The following PTPRC variants were observed in gnomAD, a reference collection of about 807,000 sequenced individuals.
PTPRC encodes receptor-type tyrosine-protein phosphatase C.
PTPRC carries 44 observed loss-of-function variants against 155.9 expected under a neutral mutation model. That is an observed-to-expected ratio of 0.28 (90% confidence interval 0.22 to 0.36). The LOEUF is 0.36. PTPRC is among the 10% of genes least tolerant of loss of function. The pLI, the probability that PTPRC is intolerant of heterozygous loss-of-function variation, is 1.00. For synonymous variants in PTPRC, 525 were observed against 533.1 expected, an observed-to-expected ratio of 0.98 and a Z score of 0.21; for missense variants, 1,401 against 1,564.6, an observed-to-expected ratio of 0.90 and a Z score of 1.76.
At chr1:198,672,654 T>C (rs1346500175) in intron 2 of PTPRC, among the ~76,000 whole-genome samples, 3 of 151,574 alleles carry the variant, frequency 2.0e-5, no homozygotes, top group Admixed American at 2.0e-4. Context: ...TTTTTTGTAT[T>C]TTTTTGCATT....
chr1:198,741,771 C>T (rs1292322514), intron 23 of PTPRC, 98 bp from the exon 24 acceptor site: 5 of 1,211,956 alleles, frequency 4.1e-6, no homozygotes, highest in Middle Eastern at 2.3e-4. Context: ...TTTATGTTTA[C>T]ACGAGGAGAC....
rs1317116985 is a variant in PTPRC at position 198,744,488 on chromosome 1, T to C, written c.2847+285T>C. On this transcript the variant is annotated intron_variant, in intron 26 of 32. Transcript: ENST00000442510. ...ATAAAATGAAGTGTCAAAATAATAG[T>C]ATATAGCCACAAAACTGGTCTGCCA... Among the ~76,000 whole-genome samples, 3 of 151,816 alleles carry C rather than the reference T, an allele frequency of 2.0e-5. No individual in the cohort carries two copies. The East Asian group carries it at 5.8e-4, about 30-fold the overall frequency.
intron 17 of PTPRC, among the ~76,000 whole-genome samples, chr1:198,731,016 T>A (rs1028976532): frequency 1.3e-5 from 2 of 152,142 alleles, no homozygotes; most frequent in African/African-American, 2.4e-5. Context: ...AAGTTCCATA[T>A]GCAATTGTAG....
chr1:198,705,920 C>T (rs1571854400), intron 8 of PTPRC, among the ~76,000 whole-genome samples: 1 of 152,304 alleles, frequency 6.6e-6, no homozygotes, highest in South Asian at 2.1e-4. Context: ...GAACAGATCT[C>T]TCTCTTTCTA....
chr1:198,648,882 T>C (rs1663083395), intron 2 of PTPRC, among the ~76,000 whole-genome samples: 1 of 151,802 alleles, frequency 6.6e-6, no homozygotes, highest in African/African-American at 2.4e-5. Context: ...TTACATAAAG[T>C]GAAAAACATT....
intron 30 of PTPRC, 72 bp downstream of exon 30, chr1:198,752,443 C>G (rs77007750): frequency 6.4e-7 from 1 of 1,574,020 alleles, no homozygotes; most frequent in Non-Finnish European, 8.7e-7. Flanking sequence ...ATAAATTACT[C>G]TATGCAGGCA....
At chr1:198,721,215 G>C (rs981138799) in intron 14 of PTPRC, among the ~76,000 whole-genome samples, 11 of 152,150 alleles carry the variant, frequency 7.2e-5, no homozygotes, top group African/African-American at 2.7e-4. Context: ...CTTCATGAGA[G>C]AGCAGTCATT....
intron 2 of PTPRC, among the ~76,000 whole-genome samples, chr1:198,671,785 T>G (rs1168740843): frequency 6.6e-6 from 1 of 152,216 alleles, no homozygotes; most frequent in Non-Finnish European, 1.5e-5. Flanking sequence ...CAATATAACC[T>G]AGGACATATT....
At chr1:198,747,355 A>G (rs942542120) in intron 26 of PTPRC, among the ~76,000 whole-genome samples, 1 of 151,872 alleles carries the variant, frequency 6.6e-6, no homozygotes, top group Admixed American at 6.6e-5. Context: ...GGGACCCAGT[A>G]AGGTGTAAGG....
At chr1:198,755,255 T>TA (rs1558042770) in intron 32 of PTPRC, among the ~76,000 whole-genome samples, 1 of 152,106 alleles carries the variant, frequency 6.6e-6, no homozygotes, top group Non-Finnish European at 1.5e-5. Context: ...CTATCGTGTA[T>TA]ACCCTCTATG....
At chr1:198,680,326 G>A (rs1441465896) in intron 2 of PTPRC, among the ~76,000 whole-genome samples, 1 of 152,018 alleles carries the variant, frequency 6.6e-6, no homozygotes, top group African/African-American at 2.4e-5. Context: ...AGTGGCGCAT[G>A]TTTGTAATCC....
Position 198,709,708 on chromosome 1 carries a change from A to C in PTPRC, c.1055A>C (p.Lys352Thr), listed in dbSNP as rs1405744947. ...TCAGGTAATATGATATTTGATAATA[A>C]AGAAATTAAATTAGAAAACCTTGAA... ...FQCGNMIFDN[K>T]EIKLENLEPE... Residue 352 changes from lysine to threonine, a missense_variant, in exon 11 of 33, where the codon AAA (lysine) becomes ACA (threonine). By Grantham distance (78) the Lys-to-Thr change is moderately conservative (BLOSUM62 -1). Coordinates refer to ENST00000442510, the MANE Select transcript of PTPRC (RefSeq NM_002838.5). The C allele has an allele frequency of 6.3e-6, 10 of 1,589,162 alleles. No individual in the cohort carries two copies. Among genetic ancestry groups the C allele is most frequent in the Non-Finnish European group, 5.2e-6 (6 of 1,163,348 alleles).
chr1:198,684,024 T>C (rs1665482546), intron 2 of PTPRC, among the ~76,000 whole-genome samples: 1 of 151,984 alleles, frequency 6.6e-6, no homozygotes, highest in Non-Finnish European at 1.5e-5. Context: ...GAATTACTTC[T>C]GAAACAAATT....
At chr1:198,683,893 G>GA (rs1430025347) in intron 2 of PTPRC, among the ~76,000 whole-genome samples, 2 of 151,852 alleles carry the variant, frequency 1.3e-5, no homozygotes, top group African/African-American at 2.4e-5. Flanking sequence ...ATGTCCATGG[G>GA]AAAAAAATGG....
chr1:198,715,358 CGT>C (rs199550117), intron 12 of PTPRC, among the ~76,000 whole-genome samples: 2,135 of 152,010 alleles, frequency 0.014, 26 homozygotes, highest in Non-Finnish European at 0.016. Context: ...CTCCTGATCT[CGT>C]GTGATCCGAT....
intron 10 of PTPRC, among the ~76,000 whole-genome samples, chr1:198,709,226 C>T (rs1652601702): frequency 6.6e-6 from 1 of 152,104 alleles, no homozygotes. Context: ...TGATGCGGCT[C>T]AAACAAGTGA....
intron 17 of PTPRC, among the ~76,000 whole-genome samples, chr1:198,730,937 G>T (rs1654356688): frequency 6.6e-6 from 1 of 152,126 alleles, no homozygotes; most frequent in Non-Finnish European, 1.5e-5. Context: ...ACATGGAAGA[G>T]TAGGAGAAAC....
At chr1:198,653,396 C>T (rs996201964) in intron 2 of PTPRC, among the ~76,000 whole-genome samples, 1 of 151,670 alleles carries the variant, frequency 6.6e-6, no homozygotes, top group African/African-American at 2.4e-5. Context: ...TGATTAGTTT[C>T]TCATTTGGTT....
intron 3 of PTPRC, chr1:198,692,776 T>C: frequency 1.1e-6 from 1 of 916,926 alleles, no homozygotes; most frequent in South Asian, 5.0e-5. Context: ...TTTGCATATG[T>C]CTATATTTCT....
Sources: gnomAD v4.1 joint callset for allele counts (sites outside exome capture counted in the v4.1 genomes callset) on GRCh38, gnomAD v4.1.1 for gene constraint, MANE v1.5 for transcripts, NCBI Gene and HGNC (gene_info 2026-07-23, HGNC 2026-07-21) for gene names.